The following RBFOX1 variants were observed in gnomAD, a reference collection of about 807,000 sequenced individuals.
RBFOX1 encodes RNA binding protein fox-1 homolog 1.
In RBFOX1, 8 loss-of-function variants were observed where a neutral mutation model predicts 57.7. That is an observed-to-expected ratio of 0.14 (90% CI 0.08 to 0.25). The LOEUF (loss-of-function observed/expected upper bound fraction) is 0.25. RBFOX1 is among the 10% of genes least tolerant of loss of function. RBFOX1 has a pLI of 1.00. For synonymous variants in RBFOX1, 326 were observed against 222.4 expected (o/e 1.47, Z -4.15); for missense variants, 611 against 548.5 (o/e 1.11, Z -1.14).
At chr16:6,802,129 C>G (rs1450385625) in intron 3 of RBFOX1, among the ~76,000 whole-genome samples, 2 of 151,942 alleles carry the variant, frequency 1.3e-5, no homozygotes, top group African/African-American at 4.8e-5. Context: ...AGTATCTTGT[C>G]AGGATTTAAG....
Position 6,063,522 on chromosome 16 carries a change from C to T in RBFOX1, c.-127+43530C>T, listed in dbSNP as rs1289600321. Among the ~76,000 whole-genome samples the T allele has an allele frequency of 3.3e-5, 3 of 89,840 alleles. No individual in the cohort carries two copies. In the South Asian group the frequency reaches 9.4e-4, roughly 28 times the overall value. The allele number at this position is 89,840 out of a possible 152,430, so 58.9% of individuals were successfully genotyped here. ...ACACACACACCCCCTTATATTTTTCCCCTAGTACCTTCCTCACTGATCATA... is the reference window on the plus strand; with the variant it reads ...ACACACACACCCCCTTATATTTTTCTCCTAGTACCTTCCTCACTGATCATA... On this transcript the variant is annotated intron_variant, in intron 1 of 15. Coordinates refer to ENST00000550418, the MANE Select transcript of RBFOX1 (RefSeq NM_018723.4).
At chr16:7,203,321 A>G (rs924065666) in intron 4 of RBFOX1, among the ~76,000 whole-genome samples, 3 of 152,198 alleles carry the variant, frequency 2.0e-5, no homozygotes, top group Admixed American at 6.5e-5. Flanking sequence ...TTCCACTCAC[A>G]TGAAGTTTGT....
At chr16:6,979,782 G>C (rs921321772) in intron 3 of RBFOX1, among the ~76,000 whole-genome samples, 1 of 152,188 alleles carries the variant, frequency 6.6e-6, no homozygotes, top group East Asian at 1.9e-4. Context: ...AATCATCTCA[G>C]TGGGTATTCC....
At chr16:6,943,307 A>C (rs183175843) in intron 3 of RBFOX1, among the ~76,000 whole-genome samples, 11 of 152,246 alleles carry the variant, frequency 7.2e-5, no homozygotes, top group Admixed American at 2.0e-4. Context: ...GTGTTAAAGC[A>C]AACCAAATAT....
chr16:7,570,359 T>C (rs781776567), intron 5 of RBFOX1, among the ~76,000 whole-genome samples: 62 of 152,196 alleles, frequency 4.1e-4, no homozygotes, highest in Non-Finnish European at 6.8e-4. Context: ...TATTTCTAAT[T>C]ATCCCCTCTC....
intron 1 of RBFOX1, among the ~76,000 whole-genome samples, chr16:5,243,245 C>T (rs943584921): frequency 1.5e-4 from 23 of 152,292 alleles, no homozygotes; most frequent in Middle Eastern, 3.4e-3. Flanking sequence ...AGACCAGGCA[C>T]CTCGGCAGAG....
chr16:6,233,392 T>C (rs899416228), intron 1 of RBFOX1, among the ~76,000 whole-genome samples: 4 of 151,940 alleles, frequency 2.6e-5, no homozygotes, highest in Non-Finnish European at 5.9e-5. Flanking sequence ...GCAGTGGGGA[T>C]CTGACGAACC....
intron 2 of RBFOX1, among the ~76,000 whole-genome samples, chr16:6,490,362 A>G (rs1339207443): frequency 6.6e-6 from 1 of 152,286 alleles, no homozygotes; most frequent in Non-Finnish European, 1.5e-5. Context: ...ACATGGATGG[A>G]ACATTTTGTA....
In RBFOX1 at chr16:7,243,914, T is replaced by C. The variant is rs1188739062; in HGVS notation, c.27+191816T>C. 2.6e-5 allele frequency among the ~76,000 whole-genome samples: 4 copies of C among 152,238 alleles called. No homozygotes were observed. The East Asian group carries it at 7.7e-4, about 29-fold the overall frequency. ...ATTTCACATAATCAAAACTCTTAAT[T>C]TCTAATGGATTTAAGAGATTCATTA... On this transcript the variant is annotated intron_variant, in intron 4 of 15. Coordinates refer to ENST00000550418, the MANE Select transcript of RBFOX1 (RefSeq NM_018723.4).
intron 4 of RBFOX1, among the ~76,000 whole-genome samples, chr16:7,111,248 C>G (rs1599789441): frequency 2.0e-5 from 3 of 152,152 alleles, no homozygotes; most frequent in Admixed American, 2.0e-4. Flanking sequence ...TTTTAATTAA[C>G]TTACACCGTA....
At chr16:6,518,043 T>G (rs1307766844) in intron 2 of RBFOX1, among the ~76,000 whole-genome samples, 1 of 152,198 alleles carries the variant, frequency 6.6e-6, no homozygotes, top group Non-Finnish European at 1.5e-5. Flanking sequence ...TTGTCTGTCT[T>G]TGTTGAACTA....
intron 1 of RBFOX1, among the ~76,000 whole-genome samples, chr16:6,210,352 A>AAC (rs2097286540): frequency 5.2e-5 from 5 of 96,378 alleles, no homozygotes; most frequent in Admixed American, 3.7e-4. Flanking sequence ...AAACAAAAAA[A>AAC]AAAAACACCA....
At chr16:5,835,911 C>T (rs368247189) in intron 3 of RBFOX1, among the ~76,000 whole-genome samples, 40 of 152,130 alleles carry the variant, frequency 2.6e-4, no homozygotes, top group East Asian at 1.2e-3. Flanking sequence ...TGGCCTTGCT[C>T]CTTGCACCCG....
intron 1 of RBFOX1, among the ~76,000 whole-genome samples, chr16:6,045,404 A>G (rs1275282744): frequency 6.6e-6 from 1 of 152,152 alleles, no homozygotes; most frequent in African/African-American, 2.4e-5. Flanking sequence ...TCTAATTTGG[A>G]TGATCGAATT....
chr16:6,986,987 G>C (rs887077435), intron 3 of RBFOX1, among the ~76,000 whole-genome samples: 3 of 152,076 alleles, frequency 2.0e-5, no homozygotes, highest in Non-Finnish European at 1.5e-5. Context: ...TATTGTGTTT[G>C]CCAGGGTTTG....
In RBFOX1 at chr16:6,471,223, A is replaced by G. The variant is rs539154449; in HGVS notation, c.-64+154166A>G. Among the ~76,000 whole-genome samples, 13 of 152,224 alleles carry G rather than the reference A, an allele frequency of 8.5e-5. No individual in the cohort carries two copies. The East Asian group carries it at 1.2e-3, about 14-fold the overall frequency. ...GTTTGAATGCCTTTCTCCCCTGACTATCGAACAACCTGCTATGCATCCTTG... is the reference window on the plus strand; with the variant it reads ...GTTTGAATGCCTTTCTCCCCTGACTGTCGAACAACCTGCTATGCATCCTTG... On this transcript the variant is annotated intron_variant, in intron 2 of 15. Coordinates refer to ENST00000550418, the MANE Select transcript of RBFOX1 (RefSeq NM_018723.4).
chr16:6,767,939 AATAATAATAAG>A (rs2077598345), intron 3 of RBFOX1, among the ~76,000 whole-genome samples: 2 of 89,512 alleles, frequency 2.2e-5, no homozygotes, highest in South Asian at 6.7e-4. Flanking sequence ...TAATAATAAT[AATAATAATAAG>A]AAGAAGAAGA....
At chr16:5,719,322 C>T (rs1393272213) in intron 3 of RBFOX1, among the ~76,000 whole-genome samples, 4 of 151,572 alleles carry the variant, frequency 2.6e-5, no homozygotes, top group Non-Finnish European at 2.9e-5. Flanking sequence ...CTGCCTCAGC[C>T]TCCCGAGTAA....
At chr16:7,306,557 T>A (rs559344038) in intron 4 of RBFOX1, among the ~76,000 whole-genome samples, 2 of 144,582 alleles carry the variant, frequency 1.4e-5, no homozygotes, top group East Asian at 2.1e-4. Flanking sequence ...TGTGATACTA[T>A]GACATAATGT....
Sources: allele counts gnomAD v4.1 joint callset (sites outside exome capture counted in the v4.1 genomes callset), GRCh38; gene constraint gnomAD v4.1.1; transcripts MANE v1.5; gene names NCBI Gene and HGNC (gene_info 2026-07-23, HGNC 2026-07-21).